The following GALNT13 variants were observed in gnomAD, a reference collection of about 807,000 sequenced individuals.
GALNT13 encodes the protein polypeptide N-acetylgalactosaminyltransferase 13, also known as UDP-GalNAc:polypeptide N-acetylgalactosaminyltransferase 13.
Under a neutral mutation model 64.2 loss-of-function variants are expected in GALNT13, and 28 were observed. The ratio of observed to expected loss-of-function variants is 0.44; its 90% CI spans 0.32 to 0.60. The LOEUF is 0.60. Ranked by LOEUF, GALNT13 falls within the 20% of genes least tolerant of loss-of-function variation. The pLI is 0.05. For missense variants in GALNT13, 577 were observed against 669.8 expected (o/e 0.86, Z 1.53); for synonymous variants, 214 against 224.6 (o/e 0.95, Z 0.42).
At chr2:154,005,274 A>G (rs1023945326) in intron 3 of GALNT13, among the ~76,000 whole-genome samples, 3 of 152,170 alleles carry the variant, frequency 2.0e-5, no homozygotes, top group South Asian at 2.1e-4. Context: ...TACAAGGATG[A>G]TACTCCTCTA....
At chr2:153,756,259 TA>T in the GALNT13 span, among the ~76,000 whole-genome samples, 1 of 152,080 alleles carries the variant, frequency 6.6e-6, no homozygotes, top group Non-Finnish European at 1.5e-5. Context: ...AGTCAATTAT[TA>T]AAATAAGCAT....
At chr2:153,721,279 C>G in the GALNT13 span, among the ~76,000 whole-genome samples, 1 of 147,536 alleles carries the variant, frequency 6.8e-6, no homozygotes, top group Non-Finnish European at 1.5e-5. Context: ...TTTGTCACCA[C>G]CAGGCCTGCC....
In GALNT13 at chr2:153,977,383, G is replaced by A. The variant is rs149398644; in HGVS notation, c.142+32744G>A. On this transcript the variant is annotated intron_variant, in intron 3 of 12. Transcript: ENST00000392825. ...GTTCCTCAAGGCTGGAGAAACCTCA[G>A]GAAACTTTAAAGCAGAAAGGGAAGC... 5.4e-3 allele frequency among the ~76,000 whole-genome samples: 821 copies of A among 152,236 alleles called. 5 individuals carry two copies. Among genetic ancestry groups the A allele is most frequent in the African/African-American group, 0.018 (754 of 41,546 alleles).
intron 4 of GALNT13, among the ~76,000 whole-genome samples, chr2:154,239,026 A>G (rs762261508): frequency 6.6e-6 from 1 of 152,152 alleles, no homozygotes; most frequent in Non-Finnish European, 1.5e-5. Context: ...TAATTAAAAT[A>G]TTAGCCCTAT....
chr2:153,222,307 T>TGGGGGGGGGGGG, the GALNT13 span, among the ~76,000 whole-genome samples: 3 of 6,320 alleles, frequency 4.7e-4, no homozygotes, highest in South Asian at 2.2e-3. Context: ...TGAGTCTGGC[T>TGGGGGGGGGGGG]GGGGGGGGGG....
chr2:154,092,523 T>A (rs941317951), intron 3 of GALNT13, among the ~76,000 whole-genome samples: 2 of 152,036 alleles, frequency 1.3e-5, no homozygotes, highest in African/African-American at 4.8e-5. Flanking sequence ...GCTGAAAATA[T>A]CTTCCCCAAT....
At chr2:153,485,350 C>A in the GALNT13 span, among the ~76,000 whole-genome samples, 1 of 152,190 alleles carries the variant, frequency 6.6e-6, no homozygotes. Flanking sequence ...TGATTTCTTT[C>A]ACTGCTTTTA....
the GALNT13 span, among the ~76,000 whole-genome samples, chr2:153,226,419 A>AT: frequency 6.6e-6 from 1 of 152,108 alleles, no homozygotes; most frequent in East Asian, 1.9e-4. Context: ...AATGTATAGA[A>AT]TTTTTTCTCC....
At chr2:154,234,315 C>T (rs1296863181) in intron 4 of GALNT13, among the ~76,000 whole-genome samples, 2 of 152,070 alleles carry the variant, frequency 1.3e-5, no homozygotes, top group African/African-American at 4.8e-5. Flanking sequence ...TAATAAATTA[C>T]ATTCATATCA....
the GALNT13 span, among the ~76,000 whole-genome samples, chr2:153,601,597 C>T: frequency 6.6e-6 from 1 of 151,320 alleles, no homozygotes; most frequent in African/African-American, 2.4e-5. Flanking sequence ...CTTTTCATTT[C>T]CACATGGTCA....
At chr2:154,391,040 G>C (rs1698766352) in intron 9 of GALNT13, among the ~76,000 whole-genome samples, 1 of 152,154 alleles carries the variant, frequency 6.6e-6, no homozygotes, top group African/African-American at 2.4e-5. Flanking sequence ...GGCCTCTGCT[G>C]TCTATCTTTA....
At chr2:153,679,987 A>T in the GALNT13 span, among the ~76,000 whole-genome samples, 1 of 151,922 alleles carries the variant, frequency 6.6e-6, no homozygotes, top group African/African-American at 2.4e-5. Flanking sequence ...ACATAGTTTT[A>T]TCTTCAGTAT....
chr2:153,857,947 A>T, the GALNT13 span, among the ~76,000 whole-genome samples: 1 of 152,156 alleles, frequency 6.6e-6, no homozygotes, highest in Non-Finnish European at 1.5e-5. Flanking sequence ...ATGTAGTAAG[A>T]AGTGAAATAC....
At chr2:153,335,117 AT>A in the GALNT13 span, among the ~76,000 whole-genome samples, 18 of 152,114 alleles carry the variant, frequency 1.2e-4, no homozygotes, top group African/African-American at 3.9e-4. Context: ...TCCCACCATG[AT>A]TCTGAGGCTT....
intron 9 of GALNT13, among the ~76,000 whole-genome samples, chr2:154,391,015 C>T (rs1329887344): frequency 1.3e-5 from 2 of 152,152 alleles, no homozygotes; most frequent in Non-Finnish European, 2.9e-5. Context: ...ATATCTGTTA[C>T]CTTAATCTTG....
chr2:154,192,645 G>C (rs944972988), intron 4 of GALNT13, among the ~76,000 whole-genome samples: 36 of 152,154 alleles, frequency 2.4e-4, no homozygotes, highest in East Asian at 1.9e-4. Flanking sequence ...CCAGCAATTA[G>C]GTCCATTTTT....
chr2:153,896,081 A>ATATTTTTTTTTTTTTTTTT (rs1574065409), intron 1 of GALNT13, among the ~76,000 whole-genome samples: 35 of 136,830 alleles, frequency 2.6e-4, no homozygotes, highest in East Asian at 6.7e-4. Flanking sequence ...ATGATTTTAT[A>ATATTTTTTTTTTTTTTTTT]TTTTTATGTT....
At chr2:154,111,099 G>C (rs1304514646) in intron 3 of GALNT13, among the ~76,000 whole-genome samples, 1 of 152,166 alleles carries the variant, frequency 6.6e-6, no homozygotes, top group African/African-American at 2.4e-5. Context: ...GACAATTCCA[G>C]TCCTTGTTTC....
chr2:153,559,267 A>G, the GALNT13 span, among the ~76,000 whole-genome samples: 2 of 152,216 alleles, frequency 1.3e-5, no homozygotes, highest in African/African-American at 4.8e-5. Flanking sequence ...TGATTTGAAT[A>G]CGGATTGAAA....
Sources: gnomAD v4.1 joint callset for allele counts (sites outside exome capture counted in the v4.1 genomes callset) on GRCh38, gnomAD v4.1.1 for gene constraint, MANE v1.5 for transcripts, NCBI Gene and HGNC (gene_info 2026-07-23, HGNC 2026-07-21) for gene names.